The following PTGER3 variants were observed in gnomAD, a reference collection of about 807,000 sequenced individuals.
The protein encoded by PTGER3 is prostaglandin E receptor 3.
A neutral mutation model predicts 34.7 loss-of-function variants in PTGER3; 22 were observed. The observed-to-expected ratio is 0.63, with a 90% CI of 0.45 to 0.91. The LOEUF (loss-of-function observed/expected upper bound fraction) is 0.91. PTGER3 is among the 40% of genes least tolerant of loss of function. The pLI, the probability that PTGER3 is intolerant of heterozygous loss-of-function variation, is 0.00. For synonymous variants in PTGER3, 241 were observed against 230.1 expected (o/e 1.05, Z -0.43); for missense variants, 468 against 519.4 (o/e 0.90, Z 0.96).
Position 70,888,313 on chromosome 1 carries a change from G to C in PTGER3, c.*24-35454C>G, listed in dbSNP as rs560383812. On this transcript the variant is annotated intron_variant, in intron 4 of 4. Coordinates refer to the PTGER3 transcript ENST00000370931. ...ATAGGCTTCTGGAGACAATTAAAGAGAGGGTTAGGGAAGTTCAGGAACATC... is the reference window on the plus strand; with the variant it reads ...ATAGGCTTCTGGAGACAATTAAAGACAGGGTTAGGGAAGTTCAGGAACATC... 7.2e-5 allele frequency among the ~76,000 whole-genome samples: 11 copies of C among 152,334 alleles called. No homozygotes were observed. The East Asian group carries it at 2.1e-3, about 29-fold the overall frequency.
chr1:70,866,758 T>C (rs1465371285), intron 4 of PTGER3, among the ~76,000 whole-genome samples: 1 of 152,168 alleles, frequency 6.6e-6, no homozygotes, highest in African/African-American at 2.4e-5. Flanking sequence ...TTGCTTGAGG[T>C]GTTCCCACAG....
At chr1:70,968,971 T>C (rs774245674), downstream of PTGER3, among the ~76,000 whole-genome samples, 2 of 151,612 alleles carry the variant, frequency 1.3e-5, 1 homozygote, top group African/African-American at 4.8e-5. Flanking sequence ...CTTTGGGGGG[T>C]TGAGGCGAGT....
chr1:70,990,353 TCACACACA>T lies in PTGER3; in HGVS notation c.1078-15973_1078-15966del, dbSNP rs576448927. ...GCCTGGGCGACAGAACGAGACTGTC[TCACACACA>T]CACACACACACACACACACACACAC... On this transcript the variant is annotated intron_variant, in intron 2 of 3. Transcript: ENST00000306666. 1.4e-3 allele frequency among the ~76,000 whole-genome samples: 188 copies of T among 130,798 alleles called. No homozygotes were observed. The East Asian group carries it at 0.035, about 24-fold the overall frequency. The allele number at this position is 130,798 out of a possible 152,430, so 85.8% of individuals were successfully genotyped here.
At chr1:71,019,400 C>G (rs1395694778) in intron 1 of PTGER3, among the ~76,000 whole-genome samples, 1 of 152,176 alleles carries the variant, frequency 6.6e-6, no homozygotes, top group Non-Finnish European at 1.5e-5. Flanking sequence ...TCTGTCAGCC[C>G]CTTCCCTGGG....
intron 1 of PTGER3, among the ~76,000 whole-genome samples, chr1:71,029,553 A>G (rs1375711960): frequency 1.3e-5 from 2 of 152,206 alleles, no homozygotes; most frequent in African/African-American, 4.8e-5. Context: ...AATCATCCTC[A>G]TTGCCATAAT....
At chr1:70,893,790 G>A (rs1415880977) in intron 4 of PTGER3, among the ~76,000 whole-genome samples, 1 of 152,108 alleles carries the variant, frequency 6.6e-6, no homozygotes, top group African/African-American at 2.4e-5. Context: ...ATTGCTGCTA[G>A]GAATAAGAGC....
intron 2 of PTGER3, among the ~76,000 whole-genome samples, chr1:70,957,710 T>G (rs1651487544): frequency 6.6e-6 from 1 of 152,206 alleles, no homozygotes; most frequent in African/African-American, 2.4e-5. Flanking sequence ...ACCTTCAAAA[T>G]CTTCTCTTCT....
At position 71,046,828 on chromosome 1, in the gene PTGER3, C is replaced by G. The variant is rs751638735; in HGVS notation, c.750G>C (p.Leu250=). 1.7e-5 allele frequency: 28 copies of G among 1,613,994 alleles called. No individual in the cohort carries two copies. In the Admixed American group the frequency reaches 4.7e-4, roughly 27 times the overall value. ...LALTVTFSCN[L]ATIKALVSRC... ...GGGACACCAGGGCCTTAATGGTGGC[C>G]AGGTTGCAGGAAAAGGTGACTGTCA... Residue 250 remains leucine, a synonymous_variant, in exon 1 of 4, where the codon CTG becomes CTC. Transcript: ENST00000306666.
At chr1:70,967,150 A>T (rs1652610814), downstream of PTGER3, among the ~76,000 whole-genome samples, 1 of 152,182 alleles carries the variant, frequency 6.6e-6, no homozygotes, top group African/African-American at 2.4e-5. Context: ...TACTACTTAA[A>T]TAAGACTGCC....
intron 2 of PTGER3, among the ~76,000 whole-genome samples, chr1:70,976,903 T>A (rs1653760705): frequency 1.3e-5 from 2 of 152,172 alleles, no homozygotes; most frequent in African/African-American, 2.4e-5. Context: ...GAAATAAATC[T>A]TGTTCTTGTT....
At chr1:70,900,779 A>G (rs776651050) in intron 4 of PTGER3, among the ~76,000 whole-genome samples, 2 of 152,168 alleles carry the variant, frequency 1.3e-5, no homozygotes, top group Non-Finnish European at 2.9e-5. Flanking sequence ...GTACTCTATG[A>G]AGAATGTCAC....
chr1:70,873,393 A>G (rs754044311), intron 4 of PTGER3, among the ~76,000 whole-genome samples: 3 of 152,090 alleles, frequency 2.0e-5, no homozygotes, highest in Non-Finnish European at 4.4e-5. Context: ...CTTAGAAACC[A>G]TGGTTTATTT....
At chr1:70,990,465 CAT>C (rs909362136) in intron 2 of PTGER3, among the ~76,000 whole-genome samples, 35 of 146,192 alleles carry the variant, frequency 2.4e-4, no homozygotes, top group Admixed American at 1.0e-3. Context: ...ATATATTATA[CAT>C]ATATATACAC....
chr1:70,895,381 TAAAAG>T (rs1646703200), intron 4 of PTGER3, among the ~76,000 whole-genome samples: 1 of 152,142 alleles, frequency 6.6e-6, no homozygotes, highest in African/African-American at 2.4e-5. Context: ...TGGCTACAAA[TAAAAG>T]AAAAGTAGTC....
chr1:70,943,853 A>AGG (rs1255838150), intron 4 of PTGER3, among the ~76,000 whole-genome samples: 1 of 150,728 alleles, frequency 6.6e-6, no homozygotes, highest in East Asian at 1.9e-4. Context: ...AGAGGGAGAG[A>AGG]GAGAGAGAGA....
intron 2 of PTGER3, among the ~76,000 whole-genome samples, chr1:70,959,297 G>T (rs1651679802): frequency 6.6e-6 from 1 of 151,570 alleles, no homozygotes; most frequent in African/African-American, 2.4e-5. Context: ...TTTAATGATT[G>T]TTTTCTCCAA....
At chr1:70,895,890 A>T (rs746796614) in intron 4 of PTGER3, among the ~76,000 whole-genome samples, 11 of 152,190 alleles carry the variant, frequency 7.2e-5, no homozygotes, top group Non-Finnish European at 1.2e-4. Flanking sequence ...GAACCAAATA[A>T]AACTTTTTCA....
intron 4 of PTGER3, among the ~76,000 whole-genome samples, chr1:70,882,870 C>T (rs1462874219): frequency 6.6e-6 from 1 of 152,126 alleles, no homozygotes; most frequent in Non-Finnish European, 1.5e-5. Context: ...TTGATGGATC[C>T]CAATGTGGTT....
chr1:70,944,272 C>T (rs1234068391), intron 4 of PTGER3, among the ~76,000 whole-genome samples: 1 of 152,076 alleles, frequency 6.6e-6, no homozygotes. Context: ...GTCAATAACT[C>T]TATCAGCAAT....
Sources: gnomAD v4.1 joint callset for allele counts (sites outside exome capture counted in the v4.1 genomes callset) on GRCh38, gnomAD v4.1.1 for gene constraint, MANE v1.5 for transcripts, NCBI Gene and HGNC (gene_info 2026-07-23, HGNC 2026-07-21) for gene names.